Variants in AADAC observed in about 807,000 individuals in gnomAD.
AADAC encodes the protein arylacetamide deacetylase (esterase).
In AADAC, 17 loss-of-function variants were observed where a neutral mutation model predicts 22.7. That is an observed-to-expected ratio of 0.75 (90% CI 0.51 to 1.12). The LOEUF (loss-of-function observed/expected upper bound fraction) is 1.12, where lower values mean the gene tolerates loss of function less well. AADAC is among the 50% of genes most tolerant of loss of function. AADAC has a pLI of 0.00. For missense variants in AADAC, 465 were observed against 473.9 expected (o/e 0.98, Z 0.17); for synonymous variants, 167 against 176.3 (o/e 0.95, Z 0.42).
intron 2 of AADAC, among the ~76,000 whole-genome samples, chr3:151,820,141 A>C (rs1251449928): frequency 6.6e-6 from 1 of 152,030 alleles, no homozygotes; most frequent in African/African-American, 2.4e-5. Context: ...CAATGGCAAA[A>C]TGTGCAAGAC....
chr3:151,826,195 A>G (rs1483077353), intron 4 of AADAC, among the ~76,000 whole-genome samples: 1 of 152,006 alleles, frequency 6.6e-6, no homozygotes, highest in South Asian at 2.1e-4. Context: ...CAACCACAAT[A>G]TAGAACAAGT....
At position 151,820,243 on chromosome 3, in the gene AADAC, G is replaced by A. The variant is rs187197961; in HGVS notation, c.362-140G>A. ...ATGGATGGCTTCTTATAAATACAGTGTTAAATTTGTCTCTCGTATTTTAAG... is the reference window on the plus strand; with the variant it reads ...ATGGATGGCTTCTTATAAATACAGTATTAAATTTGTCTCTCGTATTTTAAG... On this transcript the variant is annotated intron_variant, in intron 2 of 4. Coordinates refer to ENST00000232892, the MANE Select transcript of AADAC (RefSeq NM_001086.3). 8 of 488,892 alleles carry A rather than the reference G, an allele frequency of 1.6e-5. No homozygotes were observed. In the East Asian group the frequency reaches 2.7e-4, roughly 17 times the overall value. The allele number at this position is 488,892 out of a possible 1,614,324, so 30.3% of individuals were successfully genotyped here.
At position 151,814,793 on chromosome 3, in the gene AADAC, C is replaced by T. The variant is rs144961681; in HGVS notation, c.138+493C>T. On this transcript the variant is annotated intron_variant, in intron 1 of 4. Transcript: ENST00000232892. ...CACATGCCTAGGGTTAACCACGAGA[C>T]GGCACAATATGCACAAATGAGAGGG... is the stretch of plus-strand genomic sequence containing the variant. Among the ~76,000 whole-genome samples the T allele has an allele frequency of 9.2e-5, 14 of 152,082 alleles. No homozygotes were observed. The East Asian group carries it at 9.6e-4, about 10-fold the overall frequency.
In AADAC at chr3:151,824,807, G is replaced by A. The variant is rs1239283400; in HGVS notation, c.576G>A (p.Gly192=). The part of the protein sequence containing the change: ...RIGISGDSAG[G]NLAAAVTQQL... Reference sequence around the variant, plus strand: ...GTATTTCTGGAGATAGTGCAGGAGGGAATTTAGCTGCAGCAGTGACTCAAC... The same window carrying A: ...GTATTTCTGGAGATAGTGCAGGAGGAAATTTAGCTGCAGCAGTGACTCAAC... The change falls in exon 4 of 5, where the codon GGG becomes GGA. Residue 192 remains glycine (G), a synonymous_variant. Coordinates refer to ENST00000232892, the MANE Select transcript of AADAC (RefSeq NM_001086.3). The A allele has an allele frequency of 6.3e-7, 1 of 1,592,288 alleles. No individual in the cohort carries two copies.
chr3:151,822,486 G>A (rs1442937092), intron 3 of AADAC, among the ~76,000 whole-genome samples: 1 of 151,976 alleles, frequency 6.6e-6, no homozygotes, highest in African/African-American at 2.4e-5. Context: ...TAAATAAAAT[G>A]TGGCATATCT....
intron 4 of AADAC, among the ~76,000 whole-genome samples, chr3:151,827,060 G>A (rs1288383113): frequency 6.6e-6 from 1 of 151,800 alleles, no homozygotes; most frequent in Non-Finnish European, 1.5e-5. Context: ...AATGACAGGT[G>A]TGCGTTACCA....
chr3:151,824,988 G>A (rs1473029201), intron 4 of AADAC, 154 bp downstream of exon 4: 1 of 558,354 alleles, frequency 1.8e-6, no homozygotes, highest in African/African-American at 1.9e-5. Context: ...GAGAAGAAAT[G>A]ACTAAAACAT....
rs1390863553 is a variant in AADAC at position 151,825,028 on chromosome 3, A to AT, written c.603+203dup. Among the ~76,000 whole-genome samples, 548 of 151,584 alleles carry AT rather than the reference A, an allele frequency of 3.6e-3. 4 individuals carry two copies. Among genetic ancestry groups the AT allele is most frequent in the African/African-American group, 0.012 (504 of 41,398 alleles). On this transcript the variant is annotated intron_variant, in intron 4 of 4. Transcript: ENST00000232892. ...ATATCAATCCCTGCTTCTGTCATAG[A>AT]TTTTTTTTTCTTCCTTAAGGGAATG...
chr3:151,818,160 G>C (rs1329281180), intron 2 of AADAC, among the ~76,000 whole-genome samples: 3 of 150,546 alleles, frequency 2.0e-5, no homozygotes, highest in African/African-American at 7.3e-5. Context: ...ATAATCACTT[G>C]AACCCAGGAG....
At chr3:151,817,191 C>T (rs1716024434) in intron 1 of AADAC, among the ~76,000 whole-genome samples, 175 bp from the exon 2 acceptor site, 1 of 151,984 alleles carries the variant, frequency 6.6e-6, no homozygotes, top group African/African-American at 2.4e-5. Context: ...AAGAACCACC[C>T]TAGGCATAAC....
At chr3:151,815,905 T>A (rs1715967858) in intron 1 of AADAC, among the ~76,000 whole-genome samples, 1 of 151,958 alleles carries the variant, frequency 6.6e-6, no homozygotes, top group African/African-American at 2.4e-5. Flanking sequence ...TTCATACCCT[T>A]TATTAAAGGA....
At chr3:151,817,299 A>T in intron 1 of AADAC, 67 bp from the exon 2 acceptor site, 1 of 1,370,524 alleles carries the variant, frequency 7.3e-7, no homozygotes, top group Non-Finnish European at 1.0e-6. Flanking sequence ...ATGTCTACCT[A>T]TAAGTCCATA....
intron 4 of AADAC, among the ~76,000 whole-genome samples, chr3:151,826,088 A>ATATT (rs1432682409): frequency 6.6e-6 from 1 of 151,972 alleles, no homozygotes; most frequent in Non-Finnish European, 1.5e-5. Context: ...TTTGTTAATT[A>ATATT]TATTTATTTA....
intron 2 of AADAC, 101 bp from the exon 3 acceptor site, chr3:151,820,282 G>T: frequency 2.9e-6 from 2 of 700,120 alleles, no homozygotes; most frequent in Non-Finnish European, 4.5e-6. Context: ...AAATAGAACT[G>T]CCAGAACGTG....
chr3:151,815,254 T>C (rs578052614), intron 1 of AADAC, among the ~76,000 whole-genome samples: 51 of 152,136 alleles, frequency 3.4e-4, no homozygotes, highest in African/African-American at 1.2e-3. Flanking sequence ...AGGAAACAGC[T>C]ACTTAGGGAC....
intron 1 of AADAC, among the ~76,000 whole-genome samples, chr3:151,815,779 G>A (rs1280897105): frequency 6.6e-6 from 1 of 151,776 alleles, no homozygotes; most frequent in Non-Finnish European, 1.5e-5. Context: ...TCTTATTCCT[G>A]AATTATCTGC....
chr3:151,815,091 G>A (rs897716107), intron 1 of AADAC, among the ~76,000 whole-genome samples: 1 of 151,868 alleles, frequency 6.6e-6, no homozygotes, highest in Non-Finnish European at 1.5e-5. Context: ...ACATTCTAGT[G>A]GTGGAGAAAA....
rs762043899 is a variant in AADAC, at chr3:151,828,217, C to T, written c.*45C>T. On this transcript the variant is annotated 3_prime_UTR_variant, in exon 5 of 5. Coordinates refer to ENST00000232892, the MANE Select transcript of AADAC (RefSeq NM_001086.3). ...ATATTTTAAAAATAAAATCTGAAAACCTCAGAAAATTTGCATTAGAAATTG... is the reference window on the plus strand; with the variant it reads ...ATATTTTAAAAATAAAATCTGAAAATCTCAGAAAATTTGCATTAGAAATTG... 87 of 1,269,250 alleles carry T rather than the reference C, an allele frequency of 6.9e-5. 4 individuals are homozygous for T. Among genetic ancestry groups the T allele is most frequent in the Non-Finnish European group, 9.4e-6 (9 of 953,256 alleles). The allele number at this position is 1,269,250 out of a possible 1,614,324, so 78.6% of individuals were successfully genotyped here. A position where few individuals can be genotyped will look rare whatever the true frequency, so the allele number is the denominator to read the frequency against.
intron 3 of AADAC, 29 bp downstream of exon 3, chr3:151,820,481 C>A: frequency 2.8e-6 from 4 of 1,405,988 alleles, no homozygotes; most frequent in South Asian, 1.4e-5. Context: ...GGTTTCCTGG[C>A]CAGATGTCTG....
Sources: gnomAD v4.1 joint callset for allele counts (sites outside exome capture counted in the v4.1 genomes callset) on GRCh38, gnomAD v4.1.1 for gene constraint, MANE v1.5 for transcripts, NCBI Gene and HGNC (gene_info 2026-07-23, HGNC 2026-07-21) for gene names.